The following DSCAML1 variants were observed in gnomAD, a reference collection of about 807,000 sequenced individuals.
DSCAML1 encodes the protein DS cell adhesion molecule like 1.
In DSCAML1, 38 loss-of-function variants were observed where a neutral mutation model predicts 200.5. The ratio of observed to expected loss-of-function variants is 0.19; its 90% confidence interval spans 0.15 to 0.25. The LOEUF (loss-of-function observed/expected upper bound fraction) is 0.25, where lower values mean the gene tolerates loss of function less well. DSCAML1 is among the 10% of genes least tolerant of loss of function. The pLI, the probability that DSCAML1 is intolerant of heterozygous loss-of-function variation, is 1.00. For missense variants in DSCAML1, 2,223 were observed against 2,858.8 expected, an observed-to-expected ratio of 0.78 and a Z score of 5.07; for synonymous variants, 1,215 against 1,165.0, an observed-to-expected ratio of 1.04 and a Z score of -0.87.
intron 18 of DSCAML1, among the ~76,000 whole-genome samples, chr11:117,460,455 A>G (rs1268132695): frequency 6.6e-6 from 1 of 152,108 alleles, no homozygotes; most frequent in Admixed American, 6.5e-5. Context: ...GAGAGGGCCC[A>G]GGGGGCTGGG....
intron 3 of DSCAML1, among the ~76,000 whole-genome samples, chr11:117,715,574 G>A (rs1474209373): frequency 6.6e-6 from 1 of 152,244 alleles, no homozygotes. Flanking sequence ...ACAGTCTGGT[G>A]ATGCCGATTT....
rs2054668659 is a variant in DSCAML1, at chr11:117,755,377, T to C, written c.511+21414A>G. On this transcript the variant is annotated intron_variant, in intron 3 of 32. Transcript: ENST00000651296. ...AGCTAATCCAGGCTCCTGGTTGAGGTGAGGCCAAAGAGATAACGCTTGTGA... is the reference window on the plus strand; with the variant it reads ...AGCTAATCCAGGCTCCTGGTTGAGGCGAGGCCAAAGAGATAACGCTTGTGA... Among the ~76,000 whole-genome samples, 5 of 152,258 alleles carry C rather than the reference T, an allele frequency of 3.3e-5. No homozygotes were observed. In the South Asian group the frequency reaches 1.0e-3, roughly 32 times the overall value.
intron 3 of DSCAML1, among the ~76,000 whole-genome samples, chr11:117,576,653 G>A (rs964636851): frequency 6.6e-6 from 1 of 151,822 alleles, no homozygotes. Flanking sequence ...CTTCCTGAAT[G>A]CCTCATACAA....
chr11:117,525,973 C>T (rs942493951), intron 4 of DSCAML1, among the ~76,000 whole-genome samples: 2 of 152,244 alleles, frequency 1.3e-5, no homozygotes, highest in Non-Finnish European at 2.9e-5. Flanking sequence ...CCACCACAGT[C>T]ACCTGTGACA....
At position 117,428,741 on chromosome 11, in the gene DSCAML1, G is replaced by A. The variant is rs143022518; in HGVS notation, c.5749C>T (p.Arg1917Cys). Residue 1917 changes from arginine (R) to cysteine (C), a missense_variant, in exon 33 of 33, where the codon CGT becomes TGT. Transcript: ENST00000651296. Reference protein sequence around the residue: ...SEAFFRKADGREPCPVVPPRE... With the variant: ...SEAFFRKADGCEPCPVVPPRE... ...GGTGGGACCACGGGGCAGGGCTCAC[G>A]TCCATCTGCCTTTCGAAAGAAGGCC... The A allele has an allele frequency of 5.8e-5, 93 of 1,612,840 alleles. No individual in the cohort carries two copies. The highest frequency in any genetic ancestry group is 8.9e-5 in the East Asian group (4 of 44,876).
At chr11:117,661,542 T>C (rs1195851695) in intron 3 of DSCAML1, among the ~76,000 whole-genome samples, 2 of 152,196 alleles carry the variant, frequency 1.3e-5, no homozygotes, top group African/African-American at 4.8e-5. Context: ...ATTATTATAA[T>C]GAAGCCTCCC....
chr11:117,455,541 G>A (rs2048354428), intron 19 of DSCAML1, among the ~76,000 whole-genome samples: 1 of 152,234 alleles, frequency 6.6e-6, no homozygotes, highest in Non-Finnish European at 1.5e-5. Context: ...ATTGGGTCCA[G>A]CCAAGCCAGC....
intron 3 of DSCAML1, among the ~76,000 whole-genome samples, chr11:117,692,766 C>G (rs971031660): frequency 1.3e-5 from 2 of 152,136 alleles, no homozygotes; most frequent in African/African-American, 4.8e-5. Flanking sequence ...ATGACCTGCA[C>G]GGAGGTATTT....
At chr11:117,754,139 A>T (rs2054647706) in intron 3 of DSCAML1, among the ~76,000 whole-genome samples, 1 of 152,108 alleles carries the variant, frequency 6.6e-6, no homozygotes, top group Admixed American at 6.5e-5. Flanking sequence ...GGGGGGTAGA[A>T]AGCCCCCAGA....
At chr11:117,756,590 C>T (rs2054698365) in intron 3 of DSCAML1, among the ~76,000 whole-genome samples, 1 of 152,072 alleles carries the variant, frequency 6.6e-6, no homozygotes, top group Non-Finnish European at 1.5e-5. Flanking sequence ...CAGAGGCTAT[C>T]CTATTGCTAT....
intron 3 of DSCAML1, among the ~76,000 whole-genome samples, chr11:117,638,197 A>G (rs1042261191): frequency 1.3e-5 from 2 of 152,166 alleles, no homozygotes; most frequent in African/African-American, 4.8e-5. Context: ...AGTGTGACCA[A>G]CCATCCCAGT....
intron 7 of DSCAML1, among the ~76,000 whole-genome samples, chr11:117,517,381 G>GAGTT: frequency 6.6e-6 from 1 of 152,244 alleles, no homozygotes; most frequent in East Asian, 1.9e-4. Flanking sequence ...GATGGAAAGG[G>GAGTT]AGTTCAGAGG....
intron 3 of DSCAML1, among the ~76,000 whole-genome samples, chr11:117,640,210 C>T (rs953438064): frequency 6.6e-6 from 1 of 152,216 alleles, no homozygotes; most frequent in Admixed American, 6.5e-5. Flanking sequence ...ACTTGCCACT[C>T]CCACCTGGCA....
At chr11:117,507,774 G>T (rs2049530690) in intron 8 of DSCAML1, among the ~76,000 whole-genome samples, 1 of 152,090 alleles carries the variant, frequency 6.6e-6, no homozygotes. Flanking sequence ...CCTTATTCCA[G>T]ATCCACCTGG....
chr11:117,471,804 CTGT>C, intron 15 of DSCAML1, 62 bp downstream of exon 15: 5 of 1,549,938 alleles, frequency 3.2e-6, no homozygotes, highest in African/African-American at 2.7e-5. Flanking sequence ...AACAGGATCG[CTGT>C]AGGCCCCTGG....
At position 117,469,807 on chromosome 11, in the gene DSCAML1, A is replaced by T; in HGVS notation, c.3024+103T>A. 1 of 1,051,420 alleles carries T rather than the reference A, an allele frequency of 9.5e-7. No homozygotes were observed. The allele number at this position is 1,051,420 out of a possible 1,614,324, so 65.1% of individuals were successfully genotyped here. ...TAGTGACAAAACAGACATGGGCATCATATAAGACTAGAGACTAGCAAGCCT... is the reference window on the plus strand; with the variant it reads ...TAGTGACAAAACAGACATGGGCATCTTATAAGACTAGAGACTAGCAAGCCT... On this transcript the variant is annotated intron_variant, in intron 16 of 32. Coordinates refer to ENST00000651296, the MANE Select transcript of DSCAML1 (RefSeq NM_020693.4). This position sits in a 1 kb window ranked among gnomAD's most constrained non-coding sequence, Gnocchi z 4.1.
chr11:117,762,234 T>A (rs911193532), intron 3 of DSCAML1, among the ~76,000 whole-genome samples: 6 of 152,200 alleles, frequency 3.9e-5, no homozygotes, highest in Non-Finnish European at 7.3e-5. Context: ...ATGGAGTGAT[T>A]GTTTTATTTA....
At chr11:117,638,709 C>T (rs1292120110) in intron 3 of DSCAML1, among the ~76,000 whole-genome samples, 1 of 152,232 alleles carries the variant, frequency 6.6e-6, no homozygotes, top group Non-Finnish European at 1.5e-5. Context: ...ATCTGTACTT[C>T]ATCCCTTTTC....
At chr11:117,786,729 C>T (rs777517715) in intron 1 of DSCAML1, among the ~76,000 whole-genome samples, 1 of 152,158 alleles carries the variant, frequency 6.6e-6, no homozygotes, top group Non-Finnish European at 1.5e-5. Context: ...ATTAACACCT[C>T]GCCACCTCCA....
Sources: allele counts gnomAD v4.1 joint callset (sites outside exome capture counted in the v4.1 genomes callset), GRCh38; gene constraint gnomAD v4.1.1; non-coding constraint Gnocchi (gnomAD v3.1); transcripts MANE v1.5; gene names NCBI Gene and HGNC (gene_info 2026-07-23, HGNC 2026-07-21).